Variants in AGBL1 observed in about 807,000 individuals in gnomAD.
The protein encoded by AGBL1 is AGBL carboxypeptidase 1.
A neutral mutation model predicts 118.9 loss-of-function variants in AGBL1; 130 were observed. The observed-to-expected ratio is 1.09, with a 90% CI of 0.95 to 1.26. The LOEUF is 1.26. Ranked by LOEUF, AGBL1 falls within the 50% of genes most tolerant of loss-of-function variation. The probability of loss-of-function intolerance (pLI) is 0.00; values close to 1 mark genes in which losing one functional copy is unlikely to be tolerated. For missense variants in AGBL1, 1,584 were observed against 1,298.1 expected, an observed-to-expected ratio of 1.22 and a Z score of -3.38; for synonymous variants, 555 against 478.9, an observed-to-expected ratio of 1.16 and a Z score of -2.08.
At chr15:86,710,114 G>T (rs867203128) in intron 22 of AGBL1, among the ~76,000 whole-genome samples, 1 of 152,150 alleles carries the variant, frequency 6.6e-6, no homozygotes, top group Non-Finnish European at 1.5e-5. Context: ...TAGAAGGATT[G>T]TATGTGATCA....
intron 22 of AGBL1, among the ~76,000 whole-genome samples, chr15:86,829,812 T>C (rs928471684): frequency 1.3e-5 from 2 of 152,108 alleles, no homozygotes; most frequent in African/African-American, 4.8e-5. Flanking sequence ...TGTTACTATT[T>C]ATAACATAGA....
chr15:86,598,580 C>G (rs2142366147), intron 21 of AGBL1, among the ~76,000 whole-genome samples: 1 of 152,126 alleles, frequency 6.6e-6, no homozygotes. Flanking sequence ...TTTTGTATTC[C>G]ATCTAGGGCA....
At chr15:86,822,553 A>G (rs554265370) in intron 22 of AGBL1, among the ~76,000 whole-genome samples, 1 of 152,272 alleles carries the variant, frequency 6.6e-6, no homozygotes, top group East Asian at 1.9e-4. Context: ...ATGAAAGAAA[A>G]TGGGCACAAT....
At chr15:86,964,907 T>G (rs759745983) in intron 23 of AGBL1, among the ~76,000 whole-genome samples, 4 of 152,088 alleles carry the variant, frequency 2.6e-5, no homozygotes, top group Non-Finnish European at 5.9e-5. Context: ...CCGTGACAGT[T>G]TGTTGAGAAT....
At chr15:86,218,792 C>T (rs895998973) in intron 5 of AGBL1, among the ~76,000 whole-genome samples, 6 of 152,140 alleles carry the variant, frequency 3.9e-5, no homozygotes, top group African/African-American at 1.4e-4. Context: ...TGTCCTTGGC[C>T]TTGGCACTGC....
Position 86,137,530 on chromosome 15 carries a change from G to A in AGBL1, c.52-4474G>A, listed in dbSNP as rs549265935. Among the ~76,000 whole-genome samples, 6 of 152,228 alleles carry A rather than the reference G, an allele frequency of 3.9e-5. No homozygotes were observed. In the South Asian group the frequency reaches 1.2e-3, roughly 32 times the overall value. On this transcript the variant is annotated intron_variant, in intron 1 of 22. Coordinates refer to ENST00000614907, the MANE Select transcript of AGBL1 (RefSeq NM_001386094.1). The stretch of plus-strand genomic sequence containing the variant: ...TTGATCTGGTGGCTTACCAGTCACC[G>A]AGGACCCAAAATTGTGTCTTCATAC...
intron 17 of AGBL1, among the ~76,000 whole-genome samples, chr15:86,393,493 G>A (rs964780584): frequency 1.3e-5 from 2 of 152,144 alleles, no homozygotes; most frequent in African/African-American, 4.8e-5. Flanking sequence ...TTATAGAACC[G>A]AAAATAGGAT....
intron 22 of AGBL1, among the ~76,000 whole-genome samples, chr15:86,748,143 G>A (rs1042418996): frequency 6.6e-6 from 1 of 152,100 alleles, no homozygotes; most frequent in Non-Finnish European, 1.5e-5. Context: ...AGCACCTGTT[G>A]TTTCCTGACT....
intron 21 of AGBL1, among the ~76,000 whole-genome samples, chr15:86,602,032 T>C (rs2084502869): frequency 6.6e-6 from 1 of 152,154 alleles, no homozygotes; most frequent in African/African-American, 2.4e-5. Flanking sequence ...AATTGTTCTC[T>C]CCCTCCCTTC....
At chr15:86,478,626 A>G (rs1322685498) in intron 18 of AGBL1, among the ~76,000 whole-genome samples, 2 of 152,228 alleles carry the variant, frequency 1.3e-5, no homozygotes, top group Non-Finnish European at 2.9e-5. Flanking sequence ...ATGGATAGGA[A>G]GAATCAATAT....
intron 24 of AGBL1, among the ~76,000 whole-genome samples, chr15:87,010,517 A>T (rs1317075786): frequency 6.6e-6 from 1 of 152,192 alleles, no homozygotes; most frequent in African/African-American, 2.4e-5. Flanking sequence ...GGAAAGGTGA[A>T]TTCACTCTTT....
intron 5 of AGBL1, among the ~76,000 whole-genome samples, chr15:86,183,770 A>G (rs1471269652): frequency 6.6e-6 from 1 of 152,202 alleles, no homozygotes; most frequent in Non-Finnish European, 1.5e-5. Context: ...TCCCCCAAAA[A>G]TGCTTTTCAG....
At chr15:86,245,899 C>G (rs1316581622) in intron 6 of AGBL1, among the ~76,000 whole-genome samples, 1 of 151,910 alleles carries the variant, frequency 6.6e-6, no homozygotes, top group East Asian at 1.9e-4. Flanking sequence ...TTCTTTCTTT[C>G]TTTCTTTGTT....
intron 1 of AGBL1, among the ~76,000 whole-genome samples, chr15:86,114,441 T>C (rs1024526756): frequency 1.3e-5 from 2 of 152,190 alleles, no homozygotes; most frequent in Non-Finnish European, 2.9e-5. Context: ...CTGTTGCAGA[T>C]CTAGTGGGAC....
chr15:86,795,692 C>G (rs895956758), intron 22 of AGBL1, among the ~76,000 whole-genome samples: 3 of 151,200 alleles, frequency 2.0e-5, no homozygotes, highest in African/African-American at 4.9e-5. Context: ...TCAAGCAATT[C>G]TCCTGCCCCA....
At chr15:86,742,972 A>G (rs1383824676) in intron 22 of AGBL1, among the ~76,000 whole-genome samples, 2 of 152,264 alleles carry the variant, frequency 1.3e-5, no homozygotes, top group African/African-American at 2.4e-5. Context: ...GGGTAATAGT[A>G]TCATATATAA....
At chr15:86,798,020 G>A (rs746468353) in intron 22 of AGBL1, among the ~76,000 whole-genome samples, 2 of 152,182 alleles carry the variant, frequency 1.3e-5, no homozygotes, top group Admixed American at 1.3e-4. Context: ...GTCCTGCCCA[G>A]CTGTAAGCAA....
intron 22 of AGBL1, among the ~76,000 whole-genome samples, chr15:86,827,749 C>T (rs1432627510): frequency 2.0e-5 from 3 of 146,914 alleles, no homozygotes; most frequent in African/African-American, 7.5e-5. Context: ...CAAAGATGTG[C>T]AATTATGTAG....
At chr15:86,685,260 C>G (rs894542017) in intron 22 of AGBL1, among the ~76,000 whole-genome samples, 1 of 152,120 alleles carries the variant, frequency 6.6e-6, no homozygotes, top group Non-Finnish European at 1.5e-5. Flanking sequence ...TTTCTTTAGA[C>G]AGATTTGTCC....
Sources: allele counts gnomAD v4.1 joint callset (sites outside exome capture counted in the v4.1 genomes callset), GRCh38; gene constraint gnomAD v4.1.1; transcripts MANE v1.5; gene names NCBI Gene and HGNC (gene_info 2026-07-23, HGNC 2026-07-21).